The following CACNA2D3 variants were observed in gnomAD, a reference collection of about 807,000 sequenced individuals.
CACNA2D3 encodes the protein voltage-dependent calcium channel subunit alpha-2/delta-3.
Under a neutral mutation model 160.6 loss-of-function variants are expected in CACNA2D3, and 60 were observed. The ratio of observed to expected loss-of-function variants is 0.37; its 90% CI spans 0.30 to 0.46. CACNA2D3 has a LOEUF of 0.46. Ranked by LOEUF, CACNA2D3 falls within the 20% of genes least tolerant of loss-of-function variation. The pLI, the probability that CACNA2D3 is intolerant of heterozygous loss-of-function variation, is 1.00. For missense variants in CACNA2D3, 1,205 were observed against 1,365.0 expected (o/e 0.88, Z 1.85); for synonymous variants, 558 against 492.9 (o/e 1.13, Z -1.75).
chr3:54,892,318 C>T (rs1700088771), intron 25 of CACNA2D3, among the ~76,000 whole-genome samples: 1 of 152,014 alleles, frequency 6.6e-6, no homozygotes. Context: ...GGTGAATAAC[C>T]AAGCCACAGA....
intron 2 of CACNA2D3, among the ~76,000 whole-genome samples, chr3:54,206,957 A>C (rs577686953): frequency 7.2e-4 from 110 of 152,312 alleles, no homozygotes; most frequent in African/African-American, 2.6e-3. Context: ...TGTAGGCTCC[A>C]TTCTTCCCTA....
chr3:54,969,146 T>A (rs1702218196), intron 28 of CACNA2D3, among the ~76,000 whole-genome samples: 1 of 152,180 alleles, frequency 6.6e-6, no homozygotes. Flanking sequence ...AGGGGTTTTT[T>A]AAAGTCACTG....
intron 9 of CACNA2D3, among the ~76,000 whole-genome samples, chr3:54,594,033 G>A (rs1309821616): frequency 2.6e-5 from 4 of 152,218 alleles, no homozygotes; most frequent in Non-Finnish European, 5.9e-5. Flanking sequence ...TACTACTGGG[G>A]AACTAACACG....
At chr3:54,400,843 C>T (rs915224277) in intron 4 of CACNA2D3, among the ~76,000 whole-genome samples, 3 of 152,056 alleles carry the variant, frequency 2.0e-5, no homozygotes, top group African/African-American at 7.2e-5. Context: ...CATGAAAAAG[C>T]AAGGAAACAG....
intron 27 of CACNA2D3, among the ~76,000 whole-genome samples, chr3:54,950,966 T>C (rs1029264340): frequency 7.2e-5 from 11 of 152,140 alleles, no homozygotes; most frequent in African/African-American, 2.7e-4. Flanking sequence ...GCCAGGACAG[T>C]CCTGAGTCTT....
At chr3:54,655,055 T>C (rs1226332561) in intron 11 of CACNA2D3, among the ~76,000 whole-genome samples, 1 of 152,196 alleles carries the variant, frequency 6.6e-6, no homozygotes, top group Non-Finnish European at 1.5e-5. Context: ...CAATCCAACG[T>C]GTGCTTGGTG....
chr3:54,846,904 C>A (rs1265271343), intron 17 of CACNA2D3, among the ~76,000 whole-genome samples: 3 of 152,162 alleles, frequency 2.0e-5, no homozygotes, highest in African/African-American at 7.2e-5. Flanking sequence ...TGGGATTTGC[C>A]CCCAAATTAC....
chr3:54,872,360 G>A (rs543197235), intron 18 of CACNA2D3, among the ~76,000 whole-genome samples: 1 of 152,078 alleles, frequency 6.6e-6, no homozygotes, highest in African/African-American at 2.4e-5. Context: ...AACTTCCCAG[G>A]TGTTTCCATC....
intron 2 of CACNA2D3, among the ~76,000 whole-genome samples, chr3:54,126,427 A>C (rs1331717662): frequency 2.0e-5 from 3 of 152,204 alleles, no homozygotes; most frequent in Non-Finnish European, 4.4e-5. Flanking sequence ...ATGGCTTCAG[A>C]AATAAGAGTA....
At chr3:54,141,094 C>CGCGCGCGCGCGCGCACAT (rs768348036) in intron 2 of CACNA2D3, among the ~76,000 whole-genome samples, 6 of 81,890 alleles carry the variant, frequency 7.3e-5, no homozygotes, top group African/African-American at 1.9e-4. Flanking sequence ...TGTGCGCGCG[C>CGCGCGCGCGCGCGCACAT]GCGCGTGTGT....
In CACNA2D3 at chr3:54,736,060, TGTATATATATATAC is replaced by T. The variant is rs1701507130; in HGVS notation, c.1168-16538_1168-16525del. Among the ~76,000 whole-genome samples the T allele has an allele frequency of 4.3e-5, 2 of 45,994 alleles. 1 individual carries two copies. The highest frequency in any genetic ancestry group is 1.0e-4 in the Non-Finnish European group (2 of 19,726). The allele number at this position is 45,994 out of a possible 152,430, so 30.2% of individuals were successfully genotyped here. The stretch of plus-strand genomic sequence containing the variant: ...GTATATATATACACATACATATGTA[TGTATATATATATAC>T]ATATATATGTATGTGTATATATATA... On this transcript the variant is annotated intron_variant, in intron 11 of 37. Transcript: ENST00000474759.
intron 3 of CACNA2D3, among the ~76,000 whole-genome samples, chr3:54,360,662 G>A (rs1375291238): frequency 6.6e-6 from 1 of 152,148 alleles, no homozygotes; most frequent in Non-Finnish European, 1.5e-5. Flanking sequence ...GTTTCCTCTA[G>A]GCATGTTGAT....
chr3:54,948,156 C>T (rs962305687), intron 27 of CACNA2D3, among the ~76,000 whole-genome samples: 2 of 152,144 alleles, frequency 1.3e-5, no homozygotes, highest in African/African-American at 2.4e-5. Flanking sequence ...TCTACTTCTC[C>T]TCTCACCCCC....
chr3:54,507,883 C>T (rs144614700), intron 5 of CACNA2D3, among the ~76,000 whole-genome samples: 171 of 152,294 alleles, frequency 1.1e-3, no homozygotes, highest in Non-Finnish European at 2.2e-3. Context: ...TGAGTTGCCT[C>T]GGGGGATGTG....
intron 3 of CACNA2D3, among the ~76,000 whole-genome samples, chr3:54,340,944 C>T (rs964093782): frequency 2.6e-5 from 4 of 152,170 alleles, no homozygotes; most frequent in South Asian, 2.1e-4. Flanking sequence ...GACCTGATCT[C>T]GTCTGTTTCC....
At chr3:54,898,213 T>C (rs4955904) in intron 26 of CACNA2D3, among the ~76,000 whole-genome samples, 106,417 of 137,664 alleles carry the variant, frequency 0.77, 42,076 homozygotes, top group African/African-American at 0.92. Context: ...CTCTCTCTTC[T>C]CCGCCCCACC....
At chr3:54,639,565 T>G in intron 10 of CACNA2D3, 1 of 185,898 alleles carries the variant, frequency 5.4e-6, no homozygotes, top group Middle Eastern at 2.3e-3. Context: ...TGAGGGATAG[T>G]GAGGGAGGTT....
Position 54,838,562 on chromosome 3 carries a change from C to T in CACNA2D3, c.1471-6C>T, listed in dbSNP as rs745409166. The T allele has an allele frequency of 1.3e-5, 21 of 1,608,354 alleles. No individual in the cohort carries two copies. Among genetic ancestry groups the T allele is most frequent in the Middle Eastern group, 1.6e-4 (1 of 6,076 alleles). Reference sequence around the variant, plus strand: ...GTTATTATAATTCAATGTTTATTTTCGACAGAGATCGAAGGGCATTCTTCT... The same window carrying T: ...GTTATTATAATTCAATGTTTATTTTTGACAGAGATCGAAGGGCATTCTTCT... On this transcript the variant is annotated splice_polypyrimidine_tract_variant and splice_region_variant and intron_variant, in intron 15 of 37. Transcript: ENST00000474759.
intron 4 of CACNA2D3, among the ~76,000 whole-genome samples, chr3:54,493,772 T>G (rs544097572): frequency 9.2e-5 from 14 of 152,326 alleles, no homozygotes; most frequent in East Asian, 7.7e-4. Flanking sequence ...GCCAAATCTT[T>G]TTTGCAACTT....
Sources: allele counts gnomAD v4.1 joint callset (sites outside exome capture counted in the v4.1 genomes callset), GRCh38; gene constraint gnomAD v4.1.1; transcripts MANE v1.5; gene names NCBI Gene and HGNC (gene_info 2026-07-23, HGNC 2026-07-21).